Variants in LRMDA observed in about 807,000 individuals in gnomAD.
LRMDA encodes the protein leucine rich melanocyte differentiation associated.
A neutral mutation model predicts 29.8 loss-of-function variants in LRMDA; 18 were observed. That is an observed-to-expected ratio of 0.60 (90% CI 0.42 to 0.90). The LOEUF is 0.90. LRMDA is among the 40% of genes least tolerant of loss of function. LRMDA has a pLI of 0.00. For missense variants in LRMDA, 273 were observed against 273.9 expected (o/e 1.00, Z 0.02); for synonymous variants, 125 against 109.4 (o/e 1.14, Z -0.89).
At chr10:75,979,772 A>C (rs113650018) in intron 2 of LRMDA, among the ~76,000 whole-genome samples, 1,646 of 152,106 alleles carry the variant, frequency 0.011, 38 homozygotes, top group African/African-American at 0.038. Context: ...CATATGTGCC[A>C]GCTGTTTCCC....
At chr10:75,582,391 A>G (rs1303722984) in intron 2 of LRMDA, among the ~76,000 whole-genome samples, 4 of 152,158 alleles carry the variant, frequency 2.6e-5, no homozygotes, top group Admixed American at 1.3e-4. Flanking sequence ...GCTTAACACC[A>G]CTTTGAAACT....
At chr10:75,901,230 C>T (rs961932999) in intron 2 of LRMDA, among the ~76,000 whole-genome samples, 1 of 152,068 alleles carries the variant, frequency 6.6e-6, no homozygotes. Context: ...GGAAGTGGGA[C>T]AGATTTATGG....
In LRMDA at chr10:75,536,313, A is replaced by G. The variant is rs12098247; in HGVS notation, c.131+97819A>G. Among the ~76,000 whole-genome samples the G allele has an allele frequency of 6.2e-3, 947 of 152,078 alleles. 9 individuals are homozygous for G. Among genetic ancestry groups the G allele is most frequent in the African/African-American group, 0.02 (838 of 41,484 alleles). On this transcript the variant is annotated intron_variant, in intron 2 of 6. Coordinates refer to ENST00000611255, the MANE Select transcript of LRMDA (RefSeq NM_001305581.2). ...CAACTGTATATTGTATATATTCTCA[A>G]ACATGCCCCCTGGCCTGGCTCTGTG...
chr10:75,752,636 G>A (rs1372927754), intron 2 of LRMDA, among the ~76,000 whole-genome samples: 1 of 152,198 alleles, frequency 6.6e-6, no homozygotes, highest in Non-Finnish European at 1.5e-5. Context: ...ATGGTGGTTT[G>A]TTCCTAAATG....
rs181606541 is a variant in LRMDA, at chr10:76,494,226, A to G, written c.602-62983A>G. Among the ~76,000 whole-genome samples, 1,339 of 152,020 alleles carry G rather than the reference A, an allele frequency of 8.8e-3. 10 individuals are homozygous for G. The highest frequency in any genetic ancestry group is 0.012 in the Non-Finnish European group (816 of 67,942). ...AACCTCCAGTCATATGTCTAACAGA[A>G]GTGGGGAAGTGGCCATCCTTGTCAA... On this transcript the variant is annotated intron_variant, in intron 6 of 6. Transcript: ENST00000611255.
intron 6 of LRMDA, among the ~76,000 whole-genome samples, chr10:76,411,308 C>T (rs141193598): frequency 3.7e-4 from 56 of 152,264 alleles, no homozygotes; most frequent in Non-Finnish European, 7.9e-4. Flanking sequence ...CCATAGTATA[C>T]GTGGTTCAGA....
chr10:76,495,171 A>G (rs1027628220), intron 6 of LRMDA, among the ~76,000 whole-genome samples: 11 of 151,944 alleles, frequency 7.2e-5, no homozygotes, highest in East Asian at 5.8e-4. Flanking sequence ...CTAAAATTGT[A>G]TAAATTGTGA....
intron 2 of LRMDA, among the ~76,000 whole-genome samples, chr10:75,793,622 G>C (rs1843604481): frequency 6.6e-6 from 1 of 152,170 alleles, no homozygotes; most frequent in Non-Finnish European, 1.5e-5. Flanking sequence ...GAATAGTTCA[G>C]GTCCAGGAGT....
intron 5 of LRMDA, among the ~76,000 whole-genome samples, chr10:76,298,821 A>G (rs980949587): frequency 6.6e-6 from 1 of 152,150 alleles, no homozygotes. Flanking sequence ...GGAAGGTCCA[A>G]TGGATCCTCT....
chr10:75,563,590 G>C (rs775882651), intron 2 of LRMDA, among the ~76,000 whole-genome samples: 1 of 152,160 alleles, frequency 6.6e-6, no homozygotes, highest in Non-Finnish European at 1.5e-5. Flanking sequence ...AGTTGCTTTG[G>C]AGGAGGAGAG....
intron 4 of LRMDA, among the ~76,000 whole-genome samples, chr10:76,048,527 G>A (rs1589303128): frequency 6.6e-6 from 1 of 152,272 alleles, no homozygotes; most frequent in Middle Eastern, 3.4e-3. Flanking sequence ...GGTATGTGGG[G>A]TCAGATCAGA....
At chr10:76,466,773 C>G (rs1842568717) in intron 6 of LRMDA, among the ~76,000 whole-genome samples, 1 of 152,078 alleles carries the variant, frequency 6.6e-6, no homozygotes, top group Non-Finnish European at 1.5e-5. Context: ...GCCTGGGTGA[C>G]AGAGTGAAAC....
intron 5 of LRMDA, among the ~76,000 whole-genome samples, chr10:76,112,264 G>C (rs185162121): frequency 1.3e-5 from 2 of 152,184 alleles, no homozygotes; most frequent in South Asian, 4.1e-4. Flanking sequence ...GGCTCTGGGT[G>C]GGGGGTTCAT....
chr10:75,688,114 G>C (rs1000279660), intron 2 of LRMDA, among the ~76,000 whole-genome samples: 1 of 152,178 alleles, frequency 6.6e-6, no homozygotes, highest in Non-Finnish European at 1.5e-5. Context: ...CAATTCTGCA[G>C]CCCATAAATC....
In LRMDA at chr10:76,022,167, G is replaced by A. The variant is rs752043114; in HGVS notation, c.132-13841G>A. On this transcript the variant is annotated intron_variant, in intron 2 of 6. Coordinates refer to ENST00000611255, the MANE Select transcript of LRMDA (RefSeq NM_001305581.2). ...CACTGAAATCTCATTAACAGTGGTCGTCTGTTTATGCCCTTGTTTCACGAG... is the reference window on the plus strand; with the variant it reads ...CACTGAAATCTCATTAACAGTGGTCATCTGTTTATGCCCTTGTTTCACGAG... Among the ~76,000 whole-genome samples, 26 of 152,296 alleles carry A rather than the reference G, an allele frequency of 1.7e-4. No homozygotes were observed. In the Middle Eastern group the frequency reaches 0.01, roughly 60 times the overall value.
rs1848133460 is a variant in LRMDA, at chr10:76,030,606, T to C, written c.132-5402T>C. Among the ~76,000 whole-genome samples, 6 of 152,274 alleles carry C rather than the reference T, an allele frequency of 3.9e-5. No homozygotes were observed. In the South Asian group the frequency reaches 1.2e-3, roughly 32 times the overall value. ...GAGATTGAGACCATCCTGGCCAACA[T>C]GGTGAAACCCTGTCTCTACTAAAAA... is the stretch of plus-strand genomic sequence containing the variant. On this transcript the variant is annotated intron_variant, in intron 2 of 6. Coordinates refer to ENST00000611255, the MANE Select transcript of LRMDA (RefSeq NM_001305581.2).
At chr10:76,418,360 A>C (rs939867977) in intron 6 of LRMDA, among the ~76,000 whole-genome samples, 2 of 151,130 alleles carry the variant, frequency 1.3e-5, no homozygotes, top group East Asian at 3.9e-4. Flanking sequence ...GTATGCATGC[A>C]TGTGTGTGGC....
At chr10:75,541,180 G>T (rs536985469) in intron 2 of LRMDA, among the ~76,000 whole-genome samples, 30 of 152,204 alleles carry the variant, frequency 2.0e-4, no homozygotes, top group Non-Finnish European at 4.0e-4. Flanking sequence ...TTGAGCCTTT[G>T]TCCCAGGGCC....
chr10:75,964,954 T>C (rs1459900975), intron 2 of LRMDA, among the ~76,000 whole-genome samples: 2 of 152,052 alleles, frequency 1.3e-5, no homozygotes, highest in Non-Finnish European at 2.9e-5. Context: ...TTGGTGGAGA[T>C]GGGGTTTCGC....
Sources: allele counts gnomAD v4.1 joint callset (sites outside exome capture counted in the v4.1 genomes callset), GRCh38; gene constraint gnomAD v4.1.1; transcripts MANE v1.5; gene names NCBI Gene and HGNC (gene_info 2026-07-23, HGNC 2026-07-21).